GLI3: variants seen among roughly 807,000 people sequenced by gnomAD.
GLI3 encodes the protein transcription activator GLI3.
A neutral mutation model predicts 100.8 loss-of-function variants in GLI3; 20 were observed. The ratio of observed to expected loss-of-function variants is 0.20; its 90% CI spans 0.14 to 0.29. GLI3 has a LOEUF of 0.29. Among genes scored for constraint, GLI3 ranks in the 10% least tolerant of loss-of-function variants. GLI3 has a pLI of 1.00. For missense variants in GLI3, 2,040 were observed against 2,128.5 expected, an observed-to-expected ratio of 0.96 and a Z score of 0.82; for synonymous variants, 938 against 860.5, an observed-to-expected ratio of 1.09 and a Z score of -1.58.
chr7:41,963,113 C>T lies in GLI3; in HGVS notation c.*1217G>A, dbSNP rs1787051339. ...TAGACAGGGTGTGAAAAAAGGCATCCACACAGCTACTAAACATCTTCCCTA... is the reference window on the plus strand; with the variant it reads ...TAGACAGGGTGTGAAAAAAGGCATCTACACAGCTACTAAACATCTTCCCTA... On this transcript the variant is annotated 3_prime_UTR_variant, in exon 15 of 15. Transcript: ENST00000395925. 6.6e-6 allele frequency: 1 copy of T among 152,158 alleles called. No individual in the cohort carries two copies. The highest frequency in any genetic ancestry group is 1.5e-5 in the Non-Finnish European group (1 of 68,026). The allele number at this position is 152,158 out of a possible 1,614,324, so 9.4% of individuals were successfully genotyped here. A position where few individuals can be genotyped will look rare whatever the true frequency, so the allele number is the denominator to read the frequency against.
At position 42,040,196 on chromosome 7, in the gene GLI3, T is replaced by C. The variant is rs1784103499; in HGVS notation, c.870A>G (p.Arg290=). ...SSPRLSARPS[R]KRTLSISPLS... The stretch of plus-strand genomic sequence containing the variant: ...GTGGTGATATGGACAGTGTACGTTT[T>C]CGGCTCGGCCTGGCTGACAGCCTGG... The change falls in exon 7 of 15, where the codon CGA becomes CGG. Residue 290 remains arginine, a synonymous_variant. Coordinates refer to ENST00000395925, the MANE Select transcript of GLI3 (RefSeq NM_000168.6). The C allele has an allele frequency of 1.9e-6, 3 of 1,613,994 alleles. No homozygotes were observed. The highest frequency in any genetic ancestry group is 2.5e-6 in the Non-Finnish European group (3 of 1,179,984).
intron 1 of GLI3, among the ~76,000 whole-genome samples, chr7:42,254,217 T>TAAAAAAAAAAA (rs3057276): frequency 8.4e-6 from 1 of 118,520 alleles, no homozygotes. Flanking sequence ...AAAACTCCGT[T>TAAAAAAAAAAA]AAAAAAAAAA....
intron 1 of GLI3, among the ~76,000 whole-genome samples, chr7:42,236,123 G>A (rs1788786544): frequency 6.6e-6 from 1 of 152,146 alleles, no homozygotes; most frequent in African/African-American, 2.4e-5. Context: ...CGGGTGCGGG[G>A]TGGAGCGTCC....
intron 7 of GLI3, among the ~76,000 whole-genome samples, chr7:42,036,065 A>G (rs953708225): frequency 2.0e-5 from 3 of 152,224 alleles, no homozygotes; most frequent in African/African-American, 4.8e-5. Context: ...TAATATGTCA[A>G]TGGGCTTTTG....
intron 14 of GLI3, 75 bp downstream of exon 14, chr7:41,967,521 T>A: frequency 9.7e-7 from 1 of 1,028,204 alleles, no homozygotes; most frequent in Non-Finnish European, 1.5e-6. Flanking sequence ...CTAGCAAACA[T>A]AAAACTGAGG....
In GLI3 at chr7:42,007,823, C is replaced by T. The variant is rs559200122; in HGVS notation, c.1497+15645G>A. ...CCACATTCTTACCCCATGTCAGTTA[C>T]CTGAGGAACTCAGAGGTTCACCCTT... On this transcript the variant is annotated intron_variant, in intron 10 of 14. Transcript: ENST00000395925. 7.9e-5 allele frequency among the ~76,000 whole-genome samples: 12 copies of T among 152,230 alleles called. No individual in the cohort carries two copies. The South Asian group carries it at 2.3e-3, about 29-fold the overall frequency.
chr7:41,989,929 G>T (rs1787935342), intron 10 of GLI3, among the ~76,000 whole-genome samples: 1 of 145,014 alleles, frequency 6.9e-6, no homozygotes, highest in Non-Finnish European at 1.5e-5. Context: ...AGAGGCTGTA[G>T]TGAGCTGAGA....
intron 2 of GLI3, among the ~76,000 whole-genome samples, chr7:42,187,959 C>T (rs1240872386): frequency 5.6e-5 from 8 of 143,048 alleles, no homozygotes; most frequent in South Asian, 2.3e-4. Context: ...GCCGAGATCG[C>T]GCCACTGCAC....
chr7:42,112,187 G>A lies in GLI3; in HGVS notation c.368-35330C>T, dbSNP rs867571020. On this transcript the variant is annotated intron_variant, in intron 3 of 14. Coordinates refer to ENST00000395925, the MANE Select transcript of GLI3 (RefSeq NM_000168.6). ...GGAAACCAACGCTTTTTCTCCAAAT[G>A]CATTATGCCTCACTGTGCATATCTG... Among the ~76,000 whole-genome samples, 63 of 152,210 alleles carry A rather than the reference G, an allele frequency of 4.1e-4. 1 individual carries two copies. Among genetic ancestry groups the A allele is most frequent in the Middle Eastern group, 6.8e-3 (2 of 294 alleles).
At chr7:42,124,613 C>T (rs975377898) in intron 3 of GLI3, among the ~76,000 whole-genome samples, 1 of 152,218 alleles carries the variant, frequency 6.6e-6, no homozygotes. Context: ...AAGCCAAGTA[C>T]AGTATCATGG....
Position 42,208,020 on chromosome 7 carries a change from G to A in GLI3, c.124+15110C>T, listed in dbSNP as rs188770264. ...TAAAAAATACAAAAATTAGCGAGGC[G>A]TGGTGGCACGTGCCTCTAGTCTCAG... On this transcript the variant is annotated intron_variant, in intron 2 of 14. Coordinates refer to ENST00000395925, the MANE Select transcript of GLI3 (RefSeq NM_000168.6). Among the ~76,000 whole-genome samples the A allele has an allele frequency of 5.3e-5, 8 of 152,190 alleles. No homozygotes were observed. The South Asian group carries it at 1.2e-3, about 24-fold the overall frequency.
chr7:42,151,763 T>C (rs1786869700), intron 2 of GLI3: 1 of 152,216 alleles, frequency 6.6e-6, no homozygotes, highest in Non-Finnish European at 1.5e-5. Flanking sequence ...TTCATATCCA[T>C]GCTCAAGTGG....
chr7:42,120,585 C>A (rs1006633284), intron 3 of GLI3, among the ~76,000 whole-genome samples: 3 of 152,174 alleles, frequency 2.0e-5, no homozygotes, highest in African/African-American at 7.2e-5. Flanking sequence ...TTTATTACCC[C>A]CTCTCCTTGA....
intron 2 of GLI3, among the ~76,000 whole-genome samples, chr7:42,193,214 A>G (rs17810462): frequency 0.14 from 22,071 of 152,240 alleles, 2,090 homozygotes; most frequent in Non-Finnish European, 0.22. Flanking sequence ...TAAACAATGA[A>G]GCTGAGCAAA....
At chr7:42,086,681 A>G (rs1382763846) in intron 3 of GLI3, among the ~76,000 whole-genome samples, 1 of 151,918 alleles carries the variant, frequency 6.6e-6, no homozygotes, top group Non-Finnish European at 1.5e-5. Context: ...AAGACTCAAT[A>G]CAAACACCAC....
At chr7:42,154,061 C>A (rs1326424769) in intron 2 of GLI3, among the ~76,000 whole-genome samples, 4 of 151,490 alleles carry the variant, frequency 2.6e-5, no homozygotes, top group African/African-American at 9.7e-5. Context: ...TGGATATGTG[C>A]CCCAACATCC....
intron 2 of GLI3, among the ~76,000 whole-genome samples, chr7:42,155,442 A>C (rs985478697): frequency 7.7e-6 from 1 of 129,816 alleles, no homozygotes; most frequent in Non-Finnish European, 1.5e-5. Flanking sequence ...TCAGTCTCCA[A>C]AAAAAAAAAA....
chr7:42,010,417 G>A (rs562957148), intron 10 of GLI3, among the ~76,000 whole-genome samples: 2 of 152,180 alleles, frequency 1.3e-5, no homozygotes, highest in African/African-American at 4.8e-5. Flanking sequence ...TAGGATAATC[G>A]ATAGCACACC....
intron 3 of GLI3, among the ~76,000 whole-genome samples, chr7:42,079,336 GT>G (rs1365305674): frequency 6.6e-6 from 1 of 152,134 alleles, no homozygotes; most frequent in East Asian, 1.9e-4. Flanking sequence ...AAAAAATTAA[GT>G]GGGGTCATCT....
Sources: gnomAD v4.1 joint callset for allele counts (sites outside exome capture counted in the v4.1 genomes callset) on GRCh38, gnomAD v4.1.1 for gene constraint, MANE v1.5 for transcripts, NCBI Gene and HGNC (gene_info 2026-07-23, HGNC 2026-07-21) for gene names.